TGFB2: variants seen among roughly 807,000 people sequenced by gnomAD.
TGFB2 encodes the protein transforming growth factor beta-2 proprotein.
TGFB2 carries 13 observed loss-of-function variants against 42.7 expected under a neutral mutation model. The observed-to-expected ratio is 0.30, with a 90% CI of 0.20 to 0.48. The LOEUF is 0.48. Among genes scored for constraint, TGFB2 ranks in the 20% least tolerant of loss-of-function variants. The pLI is 0.99. For missense variants in TGFB2, 390 were observed against 517.5 expected (o/e 0.75, Z 2.39); for synonymous variants, 193 against 193.6 (o/e 1.00, Z 0.03).
In TGFB2 at chr1:218,346,603, A is replaced by G. The variant is rs886957040; in HGVS notation, c.-99A>G. The G allele has an allele frequency of 7.8e-6, 9 of 1,150,528 alleles. No homozygotes were observed. In the East Asian group the frequency reaches 7.9e-5, roughly 10 times the overall value. 71.3% of individuals were successfully genotyped at this position (1,150,528 alleles called of 1,614,324 possible). Reference sequence around the variant, plus strand: ...TCGCATCAAAAACAACAACAACAAAAAACCAAACAACTCTCCTTGATCTAT... The same window carrying G: ...TCGCATCAAAAACAACAACAACAAAGAACCAAACAACTCTCCTTGATCTAT... On this transcript the variant is annotated 5_prime_UTR_variant, in exon 1 of 7. Coordinates refer to ENST00000366930, the MANE Select transcript of TGFB2 (RefSeq NM_003238.6). This position sits in a 1 kb window ranked among gnomAD's most constrained non-coding sequence, Gnocchi z 4.9.
At chr1:218,434,059 C>A (rs746473577) in intron 2 of TGFB2, 23 bp from the exon 3 acceptor site, 33 of 1,612,088 alleles carry the variant, frequency 2.0e-5, no homozygotes, top group Non-Finnish European at 2.7e-5. Flanking sequence ...TCAGCCTTTT[C>A]TCTTGCTCTT....
chr1:218,359,065 G>A (rs1007865152), intron 1 of TGFB2, among the ~76,000 whole-genome samples: 1 of 152,130 alleles, frequency 6.6e-6, no homozygotes, highest in African/African-American at 2.4e-5. Context: ...TTTGGGCTCT[G>A]CAGGTTAACG....
chr1:218,428,220 G>T (rs1659689742), intron 2 of TGFB2, among the ~76,000 whole-genome samples: 1 of 152,172 alleles, frequency 6.6e-6, no homozygotes, highest in South Asian at 2.1e-4. Context: ...GTTCTTTGTA[G>T]ATTCTGGATA....
At chr1:218,413,404 A>G (rs1038167009) in intron 2 of TGFB2, among the ~76,000 whole-genome samples, 1 of 152,174 alleles carries the variant, frequency 6.6e-6, no homozygotes. Context: ...CCTGTTAATC[A>G]GTAGAAGAGA....
At chr1:218,430,611 A>G (rs1395052352) in intron 2 of TGFB2, among the ~76,000 whole-genome samples, 1 of 152,202 alleles carries the variant, frequency 6.6e-6, no homozygotes, top group Non-Finnish European at 1.5e-5. Flanking sequence ...TTGATTTTCC[A>G]TGCCTTCTTC....
intron 1 of TGFB2, among the ~76,000 whole-genome samples, chr1:218,350,101 G>T (rs1656821599): frequency 6.6e-6 from 1 of 152,176 alleles, no homozygotes; most frequent in African/African-American, 2.4e-5. Context: ...TGCTGCACAA[G>T]GTTTTAGAAA....
At chr1:218,422,298 G>A (rs948469868) in intron 2 of TGFB2, among the ~76,000 whole-genome samples, 8 of 151,736 alleles carry the variant, frequency 5.3e-5, no homozygotes, top group Non-Finnish European at 1.0e-4. Context: ...GCTCGCTGCA[G>A]CCTCAACCTC....
intron 1 of TGFB2, among the ~76,000 whole-genome samples, chr1:218,371,801 T>C (rs1270306022): frequency 6.6e-6 from 1 of 152,224 alleles, no homozygotes; most frequent in Non-Finnish European, 1.5e-5. Flanking sequence ...CTTTCCTGTT[T>C]CTTATCTGTC....
At chr1:218,397,706 C>T (rs1658571203) in intron 1 of TGFB2, among the ~76,000 whole-genome samples, 1 of 152,076 alleles carries the variant, frequency 6.6e-6, no homozygotes, top group African/African-American at 2.4e-5. Flanking sequence ...AAAATGCAGA[C>T]CACCATCCAT....
chr1:218,435,138 G>A lies in TGFB2; in HGVS notation c.754+690G>A, dbSNP rs573524089. The stretch of plus-strand genomic sequence containing the variant: ...GAGAGGAAATCCATGCCTATGTGCC[G>A]ATACAGCATCTGCCCACAATGCCAG... On this transcript the variant is annotated intron_variant, in intron 4 of 6. Transcript: ENST00000366930. Among the ~76,000 whole-genome samples, 59 of 152,244 alleles carry A rather than the reference G, an allele frequency of 3.9e-4. No homozygotes were observed. The South Asian group carries it at 8.3e-3, about 21-fold the overall frequency.
intron 2 of TGFB2, among the ~76,000 whole-genome samples, chr1:218,407,577 T>C (rs1658955383): frequency 6.6e-6 from 1 of 152,162 alleles, no homozygotes; most frequent in Non-Finnish European, 1.5e-5. Context: ...GAGCAAAGAC[T>C]CAGAAGTATT....
chr1:218,366,892 A>C (rs1657404551), intron 1 of TGFB2, among the ~76,000 whole-genome samples: 1 of 152,194 alleles, frequency 6.6e-6, no homozygotes, highest in South Asian at 2.1e-4. Flanking sequence ...CTGGTCCTTC[A>C]AGTGTGACCC....
At chr1:218,387,388 A>G (rs546589920) in intron 1 of TGFB2, among the ~76,000 whole-genome samples, 23 of 152,276 alleles carry the variant, frequency 1.5e-4, no homozygotes, top group South Asian at 4.1e-4. Flanking sequence ...AGAGGTTAAG[A>G]GAGAGAAAAG....
intron 1 of TGFB2, among the ~76,000 whole-genome samples, chr1:218,377,989 T>G (rs2102561731): frequency 6.7e-6 from 1 of 150,242 alleles, no homozygotes; most frequent in South Asian, 2.1e-4. Flanking sequence ...TGTTTGTTTG[T>G]TTTTGATACA....
intron 1 of TGFB2, among the ~76,000 whole-genome samples, chr1:218,385,758 C>T (rs1441806505): frequency 6.6e-6 from 1 of 152,216 alleles, no homozygotes; most frequent in South Asian, 2.1e-4. Flanking sequence ...TGGCTCCTTT[C>T]CCATCTTTCC....
rs863223796 is a variant in TGFB2 at position 218,436,028 on chromosome 1, GA to G, written c.821del (p.Asn274ThrfsTer10). The part of the protein sequence containing the change: ...GDQKTIKSTR[K>X]KNSGKTPHLL... The stretch of plus-strand genomic sequence containing the variant: ...ATCAGAAAACTATAAAGTCCACTAG[GA>G]AAAAAAACAGTGGGAAGACCCCACA... On this transcript the variant is annotated frameshift_variant, in exon 5 of 7. Transcript: ENST00000366930. LOFTEE classifies it high-confidence loss of function. 1.9e-6 allele frequency: 3 copies of G among 1,613,468 alleles called. No homozygotes were observed. The highest frequency in any genetic ancestry group is 1.3e-5 in the African/African-American group (1 of 74,868).
chr1:218,431,005 C>G (rs1019998816), intron 2 of TGFB2, among the ~76,000 whole-genome samples: 1 of 152,136 alleles, frequency 6.6e-6, no homozygotes, highest in Non-Finnish European at 1.5e-5. Context: ...CCACTAAGGA[C>G]TGGATAAGAA....
intron 1 of TGFB2, among the ~76,000 whole-genome samples, chr1:218,354,785 G>C (rs532926071): frequency 6.6e-6 from 1 of 152,270 alleles, no homozygotes; most frequent in Non-Finnish European, 1.5e-5. Flanking sequence ...CAAGCACTGA[G>C]AAAATATACC....
At chr1:218,360,792 T>G (rs1054068723) in intron 1 of TGFB2, among the ~76,000 whole-genome samples, 2 of 152,248 alleles carry the variant, frequency 1.3e-5, no homozygotes, top group African/African-American at 4.8e-5. Context: ...AAAGCCTCAC[T>G]GTTCTAAACA....
Sources: gnomAD v4.1 joint callset for allele counts (sites outside exome capture counted in the v4.1 genomes callset) on GRCh38, gnomAD v4.1.1 for gene constraint, Gnocchi (gnomAD v3.1) non-coding constraint, MANE v1.5 for transcripts, NCBI Gene and HGNC (gene_info 2026-07-23, HGNC 2026-07-21) for gene names.